Variants in P3H3 observed in about 807,000 individuals in gnomAD.
P3H3 encodes the protein gene rich cluster, B.
In P3H3, 64 loss-of-function variants were observed where a neutral mutation model predicts 78.1. The observed-to-expected ratio is 0.82, with a 90% confidence interval of 0.67 to 1.01. P3H3 has a LOEUF of 1.01. P3H3 is among the 50% of genes least tolerant of loss of function. The pLI is 0.00. For synonymous variants in P3H3, 425 were observed against 416.7 expected (o/e 1.02, Z -0.24); for missense variants, 975 against 982.2 (o/e 0.99, Z 0.10).
Position 6,837,801 on chromosome 12 carries a change from C to G in P3H3, c.1781C>G (p.Thr594Arg), listed in dbSNP as rs782176970. 13 of 1,613,172 alleles carry G rather than the reference C, an allele frequency of 8.1e-6. No homozygotes were observed. The highest frequency in any genetic ancestry group is 1.0e-5 in the Non-Finnish European group (12 of 1,179,654). Residue 594 changes from threonine to arginine, a missense_variant, in exon 12 of 15, where the codon ACG (threonine) becomes AGG (arginine). By Grantham distance (71) the Thr-to-Arg change is moderately conservative. Transcript: ENST00000290510. ...GACAACTGCGTCCTGGACCCTGACA[C>G]GGGAGAGTGCTGGCGGGAGCCCCCA... ...HADNCVLDPD[T>R]GECWREPPAY...
intron 13 of P3H3, 127 bp from the exon 14 acceptor site, chr12:6,838,873 G>T: frequency 1.4e-6 from 1 of 718,322 alleles, no homozygotes. Context: ...CTGAATTAAG[G>T]AGTAGGAAGT....
At position 6,828,915 on chromosome 12, in the gene P3H3, T is replaced by C; in HGVS notation, c.475T>C (p.Tyr159His). The C allele has an allele frequency of 1.6e-6, 2 of 1,243,988 alleles. No individual in the cohort carries two copies. Among genetic ancestry groups the C allele is most frequent in the Non-Finnish European group, 2.0e-6 (2 of 993,408 alleles). 77.1% of individuals were successfully genotyped at this position (1,243,988 alleles called of 1,614,324 possible). A position where few individuals can be genotyped will look rare whatever the true frequency, so the allele number is the denominator to read the frequency against. Residue 159 changes from tyrosine to histidine, a missense_variant, in exon 1 of 15, where the codon TAC becomes CAC. Physicochemically the swap from Tyr to His is moderately conservative, Grantham distance 83. Transcript: ENST00000290510. ...DAFRRREPYN[Y>H]LQRAYYQLKK... ...CTTCCGCCGTCGGGAGCCCTACAAC[T>C]ACCTGCAGAGGGCCTATTACCAGGT...
At position 6,829,936 on chromosome 12, in the gene P3H3, G is replaced by A. The variant is rs1555121051; in HGVS notation, c.576G>A (p.Glu192=). The change falls in exon 2 of 15, where the codon GAG becomes GAA. Residue 192 remains glutamate, a synonymous_variant. Coordinates refer to ENST00000290510, the MANE Select transcript of P3H3 (RefSeq NM_014262.5). This position sits in a 1 kb window ranked among gnomAD's most constrained non-coding sequence, Gnocchi z 5.1. ...VANPMHLQMR[E]DMAKYRRMSG... is the part of the protein sequence containing the mutation. Reference sequence around the variant, plus strand: ...ACCCCATGCACCTGCAGATGCGGGAGGACATGGCTAAGTACAGACGAATGT... The same window carrying A: ...ACCCCATGCACCTGCAGATGCGGGAAGACATGGCTAAGTACAGACGAATGT... 1 of 1,614,034 alleles carries A rather than the reference G, an allele frequency of 6.2e-7. No homozygotes were observed. Among genetic ancestry groups the A allele is most frequent in the Non-Finnish European group, 8.5e-7 (1 of 1,179,888 alleles).
rs1373659647 is a variant in P3H3, at chr12:6,829,522, T to G, written c.499-337T>G. ...GGTCCTAGAGACCTGCGGGTTTTGC[T>G]GGTCGCTGAGGTCTCCCCCACTTCC... On this transcript the variant is annotated intron_variant, in intron 1 of 14. Transcript: ENST00000290510. The surrounding 1 kb of genome is among the most constrained non-coding windows in gnomAD (Gnocchi z 5.1). 2 of 342,504 alleles carry G rather than the reference T, an allele frequency of 5.8e-6. No homozygotes were observed. Among genetic ancestry groups the G allele is most frequent in the African/African-American group, 4.4e-5 (2 of 45,870 alleles). The allele number at this position is 342,504 out of a possible 1,614,324, so 21.2% of individuals were successfully genotyped here. A position where few individuals can be genotyped will look rare whatever the true frequency, so the allele number is the denominator to read the frequency against.
Position 6,831,002 on chromosome 12 carries a change from C to A in P3H3, c.986-214C>A, listed in dbSNP as rs1446239260. 2.4e-6 allele frequency: 2 copies of A among 828,634 alleles called. No individual in the cohort carries two copies. The highest frequency in any genetic ancestry group is 2.6e-5 in the East Asian group (1 of 38,060). The allele number at this position is 828,634 out of a possible 1,614,324, so 51.3% of individuals were successfully genotyped here. ...CTTCTCACCTTCCTTTATTTTCCCC[C>A]CTCTTGCTCTTCTTTGAACTCTCCA... On this transcript the variant is annotated intron_variant, in intron 4 of 14. Transcript: ENST00000290510. This position sits in a 1 kb window ranked among gnomAD's most constrained non-coding sequence, Gnocchi z 4.6.
At chr12:6,837,330 G>A (rs1009040323) in intron 10 of P3H3, 93 bp from the exon 11 acceptor site, 26 of 1,500,832 alleles carry the variant, frequency 1.7e-5, no homozygotes, top group African/African-American at 5.5e-5. Flanking sequence ...CCAAACCCAT[G>A]GGTGGAGAGC....
chr12:6,838,058 G>A (rs1427500255), intron 13 of P3H3, 25 bp downstream of exon 13: 1 of 1,581,612 alleles, frequency 6.3e-7, no homozygotes, highest in Non-Finnish European at 8.6e-7. Context: ...GGGTGTGACG[G>A]TGTGACAAAG....
Position 6,829,023 on chromosome 12 carries a change from T to C in P3H3, c.498+85T>C. ...TTGCGTTGCCCAGGAGTAGGCGGAA[T>C]GCTGTTGCCCGGGCCCCGCACGGGG... is the stretch of plus-strand genomic sequence containing the variant. On this transcript the variant is annotated intron_variant, in intron 1 of 14. Transcript: ENST00000290510. This position sits in a 1 kb window ranked among gnomAD's most constrained non-coding sequence, Gnocchi z 5.1. The C allele has an allele frequency of 1.2e-6, 1 of 843,040 alleles. No individual in the cohort carries two copies. Among genetic ancestry groups the C allele is most frequent in the Non-Finnish European group, 1.6e-6 (1 of 632,768 alleles). 52.2% of individuals were successfully genotyped at this position (843,040 alleles called of 1,614,324 possible).
In P3H3 at chr12:6,833,868, G is replaced by A. The variant is rs1035688961; in HGVS notation, c.1334-57G>A. ...GAGGGTCTGGGGGCTGCCAGCTACT[G>A]CTCTGCCTGCCCTTAGGGGATGCTC... On this transcript the variant is annotated intron_variant, in intron 8 of 14. Transcript: ENST00000290510. The A allele has an allele frequency of 2.5e-6, 4 of 1,613,548 alleles. No individual in the cohort carries two copies. In the East Asian group the frequency reaches 6.7e-5, roughly 27 times the overall value.
At chr12:6,832,562 G>A (rs1943459845) in intron 6 of P3H3, among the ~76,000 whole-genome samples, 1 of 152,036 alleles carries the variant, frequency 6.6e-6, no homozygotes, top group Non-Finnish European at 1.5e-5. Context: ...GCTTGAGAAC[G>A]ACTGGCTAAA....
At chr12:6,830,253 G>T in intron 2 of P3H3, 100 bp from the exon 3 acceptor site, 1 of 1,196,506 alleles carries the variant, frequency 8.4e-7, no homozygotes, top group South Asian at 1.3e-5. Context: ...AGAGGGACAT[G>T]GAGTCCTTGC....
Position 6,839,595 on chromosome 12 carries a change from C to T in P3H3, c.*134C>T. 9.3e-7 allele frequency: 1 copy of T among 1,070,120 alleles called. No individual in the cohort carries two copies. The highest frequency in any genetic ancestry group is 1.3e-6 in the Non-Finnish European group (1 of 760,250). 66.3% of individuals were successfully genotyped at this position (1,070,120 alleles called of 1,614,324 possible). On this transcript the variant is annotated 3_prime_UTR_variant, in exon 15 of 15. Coordinates refer to ENST00000290510, the MANE Select transcript of P3H3 (RefSeq NM_014262.5). ...CTCTCTGTCCCTGCACCCCCACCAT[C>T]TTGGGGACCTACAAGGGCCTGGACT...
At chr12:6,832,861 C>T (rs1943462517) in intron 6 of P3H3, among the ~76,000 whole-genome samples, 1 of 14 alleles carries the variant, frequency 0.071, no homozygotes, top group African/African-American at 0.17. Context: ...CTCGGACCCC[C>T]AAAGATGCTG....
At chr12:6,828,983 C>G (rs2137956314) in intron 1 of P3H3, 45 bp downstream of exon 1, 1 of 1,067,228 alleles carries the variant, frequency 9.4e-7, no homozygotes, top group Non-Finnish European at 1.2e-6. Context: ...GCCCTCACCA[C>G]GACGCTGTCC....
chr12:6,839,089 G>A lies in P3H3; in HGVS notation c.1995G>A (p.Arg665=), dbSNP rs373270712. 6 of 1,610,764 alleles carry A rather than the reference G, an allele frequency of 3.7e-6. No homozygotes were observed. The African/African-American group carries it at 4.0e-5, about 11-fold the overall frequency. ...PHGVWAVTRG[R]RCALALWHTW... ...GGGTGTGGGCCGTGACTCGGGGACG[G>A]CGCTGTGCCCTGGCACTGTGGCACA... is the stretch of plus-strand genomic sequence containing the variant. The change falls in exon 14 of 15, where the codon CGG becomes CGA. Residue 665 remains arginine, a synonymous_variant. Transcript: ENST00000290510.
In P3H3 at chr12:6,839,677, G is replaced by C; in HGVS notation, c.*216G>C. The C allele has an allele frequency of 1.6e-6, 1 of 611,426 alleles. No homozygotes were observed. The highest frequency in any genetic ancestry group is 2.8e-6 in the Non-Finnish European group (1 of 359,522). The allele number at this position is 611,426 out of a possible 1,614,324, so 37.9% of individuals were successfully genotyped here. On this transcript the variant is annotated 3_prime_UTR_variant, in exon 15 of 15. Coordinates refer to ENST00000290510, the MANE Select transcript of P3H3 (RefSeq NM_014262.5). ...CACCAGGCCTGGGGAGCTGGGACGG[G>C]GCCCCGCTGCCGGACCTGCAGCCCT...
chr12:6,829,845 C>T lies in P3H3; in HGVS notation c.499-14C>T. ...TCCCAGGGCTCTGATGCCCTCCTCC[C>T]TTCGCCTCCTCAGTTGAAGAAGCTG... On this transcript the variant is annotated splice_polypyrimidine_tract_variant and intron_variant, in intron 1 of 14. Transcript: ENST00000290510. This position sits in a 1 kb window ranked among gnomAD's most constrained non-coding sequence, Gnocchi z 5.1. The T allele has an allele frequency of 1.2e-6, 2 of 1,613,840 alleles. No individual in the cohort carries two copies. The highest frequency in any genetic ancestry group is 1.6e-4 in the Middle Eastern group (1 of 6,062).
chr12:6,838,358 T>C lies in P3H3; in HGVS notation c.1905+325T>C, dbSNP rs782495934. Among the ~76,000 whole-genome samples the C allele has an allele frequency of 9.9e-5, 15 of 152,282 alleles. No homozygotes were observed. The South Asian group carries it at 2.5e-3, about 25-fold the overall frequency. Reference sequence around the variant, plus strand: ...CCTCTTTGCAGCGAGGTGAGCACAGTGGCTGGCGCACAGATACCAGGGCCG... The same window carrying C: ...CCTCTTTGCAGCGAGGTGAGCACAGCGGCTGGCGCACAGATACCAGGGCCG... On this transcript the variant is annotated intron_variant, in intron 13 of 14. Transcript: ENST00000290510.
chr12:6,839,369 A>C lies in P3H3; in HGVS notation c.2119A>C (p.Ser707Arg). The C allele has an allele frequency of 1.9e-6, 3 of 1,553,606 alleles. No individual in the cohort carries two copies. In the South Asian group the frequency reaches 3.6e-5, roughly 18 times the overall value. ...GGAAGAGGAAGAGGAAGAAATGCCC[A>C]GCAAAGACCCTTCCCCAGAGCCCCC... ...EEEEEEEEMP[S>R]KDPSPEPPSR... Residue 707 changes from serine to arginine, a missense_variant, in exon 15 of 15, where the codon AGC becomes CGC. Coordinates refer to ENST00000290510, the MANE Select transcript of P3H3 (RefSeq NM_014262.5).
Sources: gnomAD v4.1 joint callset for allele counts (sites outside exome capture counted in the v4.1 genomes callset) on GRCh38, gnomAD v4.1.1 for gene constraint, Gnocchi (gnomAD v3.1) non-coding constraint, MANE v1.5 for transcripts, NCBI Gene and HGNC (gene_info 2026-07-23, HGNC 2026-07-21) for gene names.